The following KAZN variants were observed in gnomAD, a reference collection of about 807,000 sequenced individuals.
The protein encoded by KAZN is kazrin.
Under a neutral mutation model 87.4 loss-of-function variants are expected in KAZN, and 40 were observed. The observed-to-expected ratio is 0.46, with a 90% CI of 0.36 to 0.60. The LOEUF is 0.60. Ranked by LOEUF, KAZN falls within the 20% of genes least tolerant of loss-of-function variation. The pLI is 0.00. For missense variants in KAZN, 898 were observed against 1,073.9 expected (o/e 0.84, Z 2.29); for synonymous variants, 466 against 458.3 (o/e 1.02, Z -0.22).
chr1:14,117,200 G>A (rs572374138), intron 1 of KAZN, among the ~76,000 whole-genome samples: 11 of 152,272 alleles, frequency 7.2e-5, no homozygotes, highest in Admixed American at 3.9e-4. Context: ...GGGAGGGGCC[G>A]AGGTGGAATG....
intron 1 of KAZN, among the ~76,000 whole-genome samples, chr1:14,797,107 T>C (rs1032380639): frequency 1.2e-4 from 18 of 152,136 alleles, no homozygotes; most frequent in African/African-American, 4.3e-4. Context: ...GTTGCCCAGG[T>C]TGGAGTGCAG....
intron 2 of KAZN, among the ~76,000 whole-genome samples, chr1:14,361,675 C>T (rs1036087925): frequency 6.6e-6 from 1 of 152,234 alleles, no homozygotes; most frequent in African/African-American, 2.4e-5. Context: ...CACAGTCCCT[C>T]ACGGCTCCCT....
chr1:13,911,774 G>A (rs968567248), intron 1 of KAZN, among the ~76,000 whole-genome samples: 6 of 152,092 alleles, frequency 3.9e-5, no homozygotes, highest in African/African-American at 1.4e-4. Context: ...AATAAAAAAT[G>A]TTATAAGGCA....
intron 1 of KAZN, among the ~76,000 whole-genome samples, chr1:14,124,074 T>A (rs1644810099): frequency 1.3e-5 from 2 of 152,236 alleles, no homozygotes; most frequent in South Asian, 4.1e-4. Context: ...GCATTTCACA[T>A]GTAACTCAGT....
At chr1:14,918,353 T>A (rs1420119446) in intron 1 of KAZN, among the ~76,000 whole-genome samples, 1 of 152,034 alleles carries the variant, frequency 6.6e-6, no homozygotes, top group Non-Finnish European at 1.5e-5. Flanking sequence ...TCACAGCCAA[T>A]GAGGAACTGA....
At chr1:14,038,601 G>A (rs1280670530) in intron 1 of KAZN, among the ~76,000 whole-genome samples, 1 of 152,224 alleles carries the variant, frequency 6.6e-6, no homozygotes, top group East Asian at 1.9e-4. Flanking sequence ...GGAGCTGAGC[G>A]ACAACCATAG....
intron 1 of KAZN, among the ~76,000 whole-genome samples, chr1:14,885,920 C>T (rs766521963): frequency 6.6e-5 from 10 of 152,090 alleles, no homozygotes; most frequent in South Asian, 2.1e-4. Flanking sequence ...CCATGATGTA[C>T]ATAGCCAGGT....
In KAZN at chr1:14,444,408, G is replaced by A. The variant is rs181565542; in HGVS notation, c.250-154575G>A. ...GCTCACCGCAACCTCCACCTCCCAG[G>A]TCCAACTGATTCTCCTGCCTCAGCC... On this transcript the variant is annotated intron_variant, in intron 2 of 16. Coordinates refer to the KAZN transcript ENST00000636203. Among the ~76,000 whole-genome samples the A allele has an allele frequency of 4.4e-3, 645 of 148,150 alleles. 18 individuals carry two copies. The highest frequency in any genetic ancestry group is 1.2e-3 in the East Asian group (6 of 4,980).
intron 2 of KAZN, among the ~76,000 whole-genome samples, chr1:14,568,081 G>A (rs1478043069): frequency 6.6e-6 from 1 of 152,192 alleles, no homozygotes; most frequent in Non-Finnish European, 1.5e-5. Context: ...TTTTAAAAGG[G>A]GGATTACTGT....
At chr1:15,095,519 G>A (rs1000602832) in intron 10 of KAZN, among the ~76,000 whole-genome samples, 1 of 143,592 alleles carries the variant, frequency 7.0e-6, no homozygotes, top group Non-Finnish European at 1.5e-5. Context: ...CTCTGCCTCC[G>A]GCCTGCCTGC....
intron 1 of KAZN, among the ~76,000 whole-genome samples, chr1:13,897,761 TA>T (rs1421983219): frequency 3.3e-5 from 5 of 152,204 alleles, no homozygotes. Flanking sequence ...CAAAGGGTTT[TA>T]AAAAATGTGT....
chr1:14,019,428 G>T (rs1185896620), intron 1 of KAZN, among the ~76,000 whole-genome samples: 2 of 152,158 alleles, frequency 1.3e-5, no homozygotes, highest in Admixed American at 6.5e-5. Flanking sequence ...ATGGGCTGGG[G>T]TATTTATGGT....
chr1:14,398,429 G>A (rs72870804), intron 2 of KAZN, among the ~76,000 whole-genome samples: 15,179 of 152,188 alleles, frequency 0.1, 2,553 homozygotes, highest in African/African-American at 0.35. Flanking sequence ...TGTGAGGATC[G>A]AATGGGTTAA....
chr1:15,090,896 G>A (rs980342173), intron 8 of KAZN, among the ~76,000 whole-genome samples: 1 of 152,192 alleles, frequency 6.6e-6, no homozygotes, highest in Non-Finnish European at 1.5e-5. Context: ...TGGTGGAGAT[G>A]GGGATGATGG....
intron 1 of KAZN, among the ~76,000 whole-genome samples, chr1:14,909,630 G>C (rs1178033175): frequency 2.6e-5 from 4 of 152,164 alleles, no homozygotes; most frequent in Non-Finnish European, 5.9e-5. Context: ...GTGCACCCCA[G>C]AGTGCCCTGC....
At position 14,279,541 on chromosome 1, in the gene KAZN, T is replaced by C. The variant is rs1159026628; in HGVS notation, c.249+98949T>C. Among the ~76,000 whole-genome samples the C allele has an allele frequency of 2.0e-5, 3 of 152,136 alleles. 1 individual carries two copies. The highest frequency in any genetic ancestry group is 2.9e-5 in the Non-Finnish European group (2 of 68,014). ...CTTGTTAGTGCAGTACTATCAGGGG[T>C]CTGGAGTGTTCTAGAAAACCCACAG... On this transcript the variant is annotated intron_variant, in intron 2 of 16. Transcript: ENST00000636203.
chr1:15,053,172 G>A (rs1210166151), intron 4 of KAZN, among the ~76,000 whole-genome samples: 1 of 152,234 alleles, frequency 6.6e-6, no homozygotes, highest in African/African-American at 2.4e-5. Context: ...AAGCAAGGGA[G>A]TGGGGCATCC....
chr1:14,211,734 A>G (rs968362753), intron 2 of KAZN, among the ~76,000 whole-genome samples: 1 of 152,182 alleles, frequency 6.6e-6, no homozygotes, highest in Non-Finnish European at 1.5e-5. Flanking sequence ...ACACCATGGA[A>G]ATAAGCAAAT....
chr1:13,945,079 G>A (rs1641085175), intron 1 of KAZN, among the ~76,000 whole-genome samples: 2 of 151,808 alleles, frequency 1.3e-5, no homozygotes, highest in South Asian at 2.1e-4. Flanking sequence ...GGACCTGAAG[G>A]TAAAAGACAT....
Sources: allele counts gnomAD v4.1 joint callset (sites outside exome capture counted in the v4.1 genomes callset), GRCh38; gene constraint gnomAD v4.1.1; transcripts MANE v1.5; gene names NCBI Gene and HGNC (gene_info 2026-07-23, HGNC 2026-07-21).